The following UBA1 variants were observed in gnomAD, a reference collection of about 807,000 sequenced individuals.
UBA1 encodes the protein ubiquitin-like modifier-activating enzyme 1.
Under a neutral mutation model 84.7 loss-of-function variants are expected in UBA1, and 4 were observed. That is an observed-to-expected ratio of 0.05 (90% CI 0.02 to 0.11). The LOEUF (loss-of-function observed/expected upper bound fraction) is 0.11. Among genes scored for constraint, UBA1 ranks in the 10% least tolerant of loss-of-function variants. The probability of loss-of-function intolerance (pLI) is 1.00; values close to 1 mark genes in which losing one functional copy is unlikely to be tolerated. For synonymous variants in UBA1, 364 were observed against 362.6 expected, an observed-to-expected ratio of 1.00 and a Z score of -0.04; for missense variants, 513 against 902.8, an observed-to-expected ratio of 0.57 and a Z score of 5.53.
chrX:47,202,250 C>T lies in UBA1; in HGVS notation c.906C>T (p.Ser302=). 1 of 1,208,475 alleles carries T rather than the reference C, an allele frequency of 8.3e-7. No homozygotes were observed. ...AGGTCAAAGTACCTAAGAAGATTAG[C>T]TTTGTGAGTGTGTCGATGGGATCAG... ...VSQVKVPKKI[S]FKSLVASLAE... is the part of the protein sequence containing the mutation. Residue 302 remains serine (S), a synonymous_variant, in exon 9 of 26, where the codon AGC becomes AGT. Transcript: ENST00000335972.
At position 47,195,322 on chromosome X, in the gene UBA1, T is replaced by C. The variant is rs782737937; in HGVS notation, c.-1+1298T>C. 3.1e-3 allele frequency among the ~76,000 whole-genome samples: 340 copies of C among 111,332 alleles called. 2 individuals carry two copies. The highest frequency in any genetic ancestry group is 5.2e-3 in the Admixed American group (55 of 10,523). On this transcript the variant is annotated intron_variant, in intron 1 of 25. Transcript: ENST00000335972. ...TGGAGTGCAGTGGCGCCATCTCAGC[T>C]CACTGCAACCTCCACCTCCTGGGTT...
chrX:47,205,681 C>T (rs1556790577), intron 14 of UBA1: 16 of 401,772 alleles, frequency 4.0e-5, no homozygotes, highest in Non-Finnish European at 7.1e-5. Flanking sequence ...TGACAAAACC[C>T]TGTCTCTACC....
At position 47,206,112 on chromosome X, in the gene UBA1, C is replaced by T. The variant is rs2147273293; in HGVS notation, c.1740C>T (p.Ala580=). The change falls in exon 15 of 26, where the codon GCC becomes GCT. Residue 580 remains alanine (A), a splice_region_variant and synonymous_variant. Transcript: ENST00000335972. ...GVANALDNVD[A]RMYMDRRCVY... ...CCAATGCCCTGGACAACGTGGATGC[C>T]CGTGAGTTTGGAGGCGGGTGAGGTG... 2 of 1,201,329 alleles carry T rather than the reference C, an allele frequency of 1.7e-6. No individual in the cohort carries two copies. Among genetic ancestry groups the T allele is most frequent in the African/African-American group, 1.7e-5 (1 of 57,510 alleles).
chrX:47,203,352 A>T, intron 13 of UBA1, 138 bp downstream of exon 13: 1 of 838,374 alleles, frequency 1.2e-6, no homozygotes, highest in Non-Finnish European at 1.8e-6. Context: ...AGCCCAGTGC[A>T]TCCCTCGTTT....
In UBA1 at chrX:47,197,088, C is replaced by T. The variant is rs145780772; in HGVS notation, c.1-1715C>T. 23 of 753,025 alleles carry T rather than the reference C, an allele frequency of 3.1e-5. No individual in the cohort carries two copies. In the East Asian group the frequency reaches 3.2e-3, roughly 104 times the overall value. 62.1% of individuals were successfully genotyped at this position (753,025 alleles called of 1,213,427 possible). A position where few individuals can be genotyped will look rare whatever the true frequency, so the allele number is the denominator to read the frequency against. On this transcript the variant is annotated intron_variant, in intron 1 of 25. Transcript: ENST00000335972. ...CTTTGTCTCTACTAACTCACCAAGC[C>T]TCTTGCTACCCAGGTTGGCTCTTAG...
rs782461154 is a variant in UBA1, at chrX:47,212,408, C to T, written c.2465-16C>T. On this transcript the variant is annotated splice_polypyrimidine_tract_variant and intron_variant, in intron 20 of 25. Transcript: ENST00000335972. ...CTGGGATCTAAAGGGCTGACAGTGT[C>T]CCTTTCTTCATGCAGATGACAGTCG... 2 of 1,172,497 alleles carry T rather than the reference C, an allele frequency of 1.7e-6. No homozygotes were observed. The highest frequency in any genetic ancestry group is 1.2e-6 in the Non-Finnish European group (1 of 860,146).
chrX:47,196,791 A>G (rs1936218714), intron 1 of UBA1, among the ~76,000 whole-genome samples: 1 of 111,620 alleles, frequency 9.0e-6, no homozygotes, highest in Admixed American at 9.5e-5. Context: ...TCTCTAATTT[A>G]TGGAGTGAGG....
rs148382699 is a variant in UBA1 at position 47,211,112 on chromosome X, G to A, written c.2351G>A (p.Arg784Gln). Reference sequence around the variant, plus strand: ...TACGGGCTGACAGGCTCTCAGGACCGAGCTGCTGTGGCCACATTCCTGCAG... The same window carrying A: ...TACGGGCTGACAGGCTCTCAGGACCAAGCTGCTGTGGCCACATTCCTGCAG... ...QTYGLTGSQD[R>Q]AAVATFLQSV... is the part of the protein sequence containing the mutation. The change falls in exon 20 of 26, where the codon CGA becomes CAA. Residue 784 changes from arginine (R) to glutamine (Q), a missense_variant. Coordinates refer to ENST00000335972, the MANE Select transcript of UBA1 (RefSeq NM_003334.4). The A allele has an allele frequency of 4.3e-4, 519 of 1,209,989 alleles. 3 individuals carry two copies. The African/African-American group carries it at 8.5e-3, about 20-fold the overall frequency.
In UBA1 at chrX:47,211,893, C is replaced by T. The variant is rs782380681; in HGVS notation, c.2465-531C>T. 3.7e-5 allele frequency among the ~76,000 whole-genome samples: 4 copies of T among 108,602 alleles called. No homozygotes were observed. The South Asian group carries it at 1.6e-3, about 44-fold the overall frequency. The allele number at this position is 108,602 out of a possible 115,157, so 94.3% of individuals were successfully genotyped here. Reference sequence around the variant, plus strand: ...TGTCTTCCAATCTTTCCTTCCATAGCTCTCATCACCTTCATATATTTCTTC... The same window carrying T: ...TGTCTTCCAATCTTTCCTTCCATAGTTCTCATCACCTTCATATATTTCTTC... On this transcript the variant is annotated intron_variant, in intron 20 of 25. Coordinates refer to ENST00000335972, the MANE Select transcript of UBA1 (RefSeq NM_003334.4).
At chrX:47,192,108 C>T (rs1936075691), upstream of UBA1, among the ~76,000 whole-genome samples, 1 of 111,865 alleles carries the variant, frequency 8.9e-6, no homozygotes, top group Admixed American at 9.5e-5. Context: ...GTCATTATTA[C>T]CCCCACTTTA....
At position 47,209,384 on chromosome X, in the gene UBA1, C is replaced by T. The variant is rs149387045; in HGVS notation, c.1939-239C>T. ...GGTCAGGCTGGTCTCGAACCCTTGACCTCAGGTGATCCATCTGCCTTAGCC... is the reference window on the plus strand; with the variant it reads ...GGTCAGGCTGGTCTCGAACCCTTGATCTCAGGTGATCCATCTGCCTTAGCC... On this transcript the variant is annotated intron_variant, in intron 16 of 25. Coordinates refer to ENST00000335972, the MANE Select transcript of UBA1 (RefSeq NM_003334.4). 6.7e-4 allele frequency: 333 copies of T among 495,729 alleles called. 2 individuals carry two copies. Among genetic ancestry groups the T allele is most frequent in the Middle Eastern group, 5.4e-3 (13 of 2,400 alleles). The allele number at this position is 495,729 out of a possible 1,213,427, so 40.9% of individuals were successfully genotyped here. A position where few individuals can be genotyped will look rare whatever the true frequency, so the allele number is the denominator to read the frequency against.
chrX:47,208,183 G>C (rs1556791828), intron 16 of UBA1, among the ~76,000 whole-genome samples: 1 of 112,828 alleles, frequency 8.9e-6, no homozygotes, highest in Non-Finnish European at 1.9e-5. Flanking sequence ...TTTATTTTTT[G>C]AGACAGGTCT....
intron 15 of UBA1, 26 bp from the exon 16 acceptor site, chrX:47,206,222 T>C (rs368068864): frequency 8.4e-7 from 1 of 1,189,919 alleles, no homozygotes; most frequent in African/African-American, 1.8e-5. Flanking sequence ...GTTTCTTTCC[T>C]AGCTCTCGCT....
intron 8 of UBA1, among the ~76,000 whole-genome samples, chrX:47,201,856 A>C (rs1347639323): frequency 9.0e-6 from 1 of 111,422 alleles, no homozygotes; most frequent in Non-Finnish European, 1.9e-5. Context: ...GTGGGGAAAA[A>C]GTCTCTGGTG....
chrX:47,201,578 A>G lies in UBA1; in HGVS notation c.779A>G (p.Asn260Ser). Reference protein sequence around the residue: ...FSEVQGMVELNGNQPMEIKVL... With the variant: ...FSEVQGMVELSGNQPMEIKVL... ...GAAGTACAGGGCATGGTTGAACTCA[A>G]CGGAAATCAGCCCATGGAGATCAAA... The change falls in exon 8 of 26, where the codon AAC becomes AGC. Residue 260 changes from asparagine (N) to serine (S), a missense_variant. Around this residue, in one of 6 missense-constraint regions of UBA1, gnomAD observed 227 missense variants for 339.1 expected, o/e 0.67. Coordinates refer to ENST00000335972, the MANE Select transcript of UBA1 (RefSeq NM_003334.4). 5 of 1,212,043 alleles carry G rather than the reference A, an allele frequency of 4.1e-6. No homozygotes were observed. The highest frequency in any genetic ancestry group is 2.2e-5 in the Admixed American group (1 of 46,089).
At chrX:47,194,350 A>G (rs1467108848) in intron 1 of UBA1, among the ~76,000 whole-genome samples, 1 of 112,233 alleles carries the variant, frequency 8.9e-6, no homozygotes, top group African/African-American at 3.2e-5. Context: ...AGTCTCCAAT[A>G]GAGATTTACG....
At chrX:47,193,173 T>TATGCATAAG (rs1602615762), upstream of UBA1, among the ~76,000 whole-genome samples, 1 of 111,860 alleles carries the variant, frequency 8.9e-6, no homozygotes, top group African/African-American at 3.3e-5. Context: ...TCTTGGGTGT[T>TATGCATAAG]TCTTCGCCTT....
intron 13 of UBA1, 32 bp downstream of exon 13, chrX:47,203,246 CATCTTGGCCTCTG>C (rs781948880): frequency 5.9e-6 from 7 of 1,194,583 alleles, no homozygotes; most frequent in Non-Finnish European, 7.9e-6. Context: ...CTGCTCCCCT[CATCTTGGCCTCTG>C]GCCATCACCC....
At chrX:47,200,373 G>T (rs1269125728) in intron 5 of UBA1, among the ~76,000 whole-genome samples, 3 of 112,521 alleles carry the variant, frequency 2.7e-5, no homozygotes, top group Non-Finnish European at 5.6e-5. Context: ...GGAAAGAGGT[G>T]CTCTGGAAGC....
Sources: allele counts gnomAD v4.1 joint callset (sites outside exome capture counted in the v4.1 genomes callset), GRCh38; gene constraint gnomAD v4.1.1; regional missense constraint gnomAD v4.1.1; transcripts MANE v1.5; gene names NCBI Gene and HGNC (gene_info 2026-07-23, HGNC 2026-07-21).